The following ILRUN variants were observed in gnomAD, a reference collection of about 807,000 sequenced individuals.
The protein encoded by ILRUN is protein ILRUN.
ILRUN carries 3 observed loss-of-function variants against 33.8 expected under a neutral mutation model. The ratio of observed to expected loss-of-function variants is 0.09; its 90% CI spans 0.04 to 0.23. ILRUN has a LOEUF of 0.23. ILRUN is among the 10% of genes least tolerant of loss of function. ILRUN has a pLI of 1.00. For missense variants in ILRUN, 210 were observed against 375.1 expected (o/e 0.56, Z 3.64); for synonymous variants, 124 against 138.9 (o/e 0.89, Z 0.75).
chr6:34,597,591 G>C (rs1761427715), intron 4 of ILRUN, among the ~76,000 whole-genome samples: 1 of 152,130 alleles, frequency 6.6e-6, no homozygotes, highest in Non-Finnish European at 1.5e-5. Flanking sequence ...TAATTGACAG[G>C]CATCAGCTTG....
intron 3 of ILRUN, chr6:34,616,758 A>G: frequency 1.4e-6 from 1 of 706,280 alleles, no homozygotes; most frequent in Non-Finnish European, 2.6e-6. Context: ...AGCAACTTCT[A>G]TGTACCTGCA....
In ILRUN at chr6:34,587,524, T is replaced by C. The variant is rs1408614886; in HGVS notation, c.*3041A>G. 1.3e-5 allele frequency: 2 copies of C among 152,626 alleles called. No individual in the cohort carries two copies. The highest frequency in any genetic ancestry group is 4.8e-5 in the African/African-American group (2 of 41,420). The allele number at this position is 152,626 out of a possible 1,614,324, so 9.5% of individuals were successfully genotyped here. A position where few individuals can be genotyped will look rare whatever the true frequency, so the allele number is the denominator to read the frequency against. ...GGTGGGGTGAGTAATCAGCTTGCACTTCTGAGCCCTGGCAACCCTACCATC... is the reference window on the plus strand; with the variant it reads ...GGTGGGGTGAGTAATCAGCTTGCACCTCTGAGCCCTGGCAACCCTACCATC... On this transcript the variant is annotated 3_prime_UTR_variant, in exon 5 of 5. Coordinates refer to ENST00000374023, the MANE Select transcript of ILRUN (RefSeq NM_024294.4).
intron 1 of ILRUN, among the ~76,000 whole-genome samples, chr6:34,661,794 T>C (rs1256020021): frequency 1.3e-5 from 2 of 152,082 alleles, no homozygotes; most frequent in East Asian, 3.8e-4. Flanking sequence ...TAATGGCTTC[T>C]AGGGAGAGTT....
rs1004253584 is a variant in ILRUN, at chr6:34,589,727, A to T, written c.*838T>A. The T allele has an allele frequency of 2.6e-5, 4 of 152,230 alleles. No homozygotes were observed. The highest frequency in any genetic ancestry group is 9.6e-5 in the African/African-American group (4 of 41,454). The allele number at this position is 152,230 out of a possible 1,614,324, so 9.4% of individuals were successfully genotyped here. A position where few individuals can be genotyped will look rare whatever the true frequency, so the allele number is the denominator to read the frequency against. The stretch of plus-strand genomic sequence containing the variant: ...CATGATGGCATTTCTCTCTGCCAAG[A>T]GAAACATGGAAGAAAAGCAATTTTA... On this transcript the variant is annotated 3_prime_UTR_variant, in exon 5 of 5. Transcript: ENST00000374023.
At chr6:34,653,075 G>A (rs1762699990) in intron 2 of ILRUN, among the ~76,000 whole-genome samples, 1 of 144,886 alleles carries the variant, frequency 6.9e-6, no homozygotes, top group South Asian at 2.1e-4. Context: ...TTGAGCCCAG[G>A]AGGCCAAGAT....
chr6:34,663,063 G>A (rs1416257825), intron 1 of ILRUN, among the ~76,000 whole-genome samples: 2 of 151,954 alleles, frequency 1.3e-5, no homozygotes, highest in African/African-American at 4.8e-5. Flanking sequence ...CACCCTACAC[G>A]AGCCTGGATG....
intron 1 of ILRUN, among the ~76,000 whole-genome samples, chr6:34,669,770 A>G (rs1423327943): frequency 6.6e-6 from 1 of 152,202 alleles, no homozygotes; most frequent in African/African-American, 2.4e-5. Flanking sequence ...TATCCATACC[A>G]CAACTCAGCA....
chr6:34,686,808 T>A, intron 1 of ILRUN: 1 of 120,574 alleles, frequency 8.3e-6, no homozygotes, highest in Admixed American at 9.3e-5. Context: ...TACAAAAAAT[T>A]AGCTGGGCGC....
intron 3 of ILRUN, among the ~76,000 whole-genome samples, chr6:34,640,077 G>A (rs1762439159): frequency 6.6e-6 from 1 of 152,040 alleles, no homozygotes; most frequent in African/African-American, 2.4e-5. Context: ...AAAATGTTAG[G>A]GCTTGAAAAT....
chr6:34,683,201 T>C (rs73413847), intron 1 of ILRUN, among the ~76,000 whole-genome samples: 3,546 of 151,476 alleles, frequency 0.023, 102 homozygotes, highest in African/African-American at 0.064. Flanking sequence ...TGTATATATA[T>C]GTATATATGA....
At chr6:34,620,975 A>T (rs1762001004) in intron 3 of ILRUN, among the ~76,000 whole-genome samples, 2 of 152,182 alleles carry the variant, frequency 1.3e-5, no homozygotes, top group Non-Finnish European at 2.9e-5. Flanking sequence ...AATCCATAAC[A>T]CTACTTTATA....
In ILRUN at chr6:34,606,683, G is replaced by A. The variant is rs747918125; in HGVS notation, c.733C>T (p.Pro245Ser). 9 of 1,613,508 alleles carry A rather than the reference G, an allele frequency of 5.6e-6. No homozygotes were observed. The Admixed American group carries it at 1.0e-4, about 18-fold the overall frequency. Residue 245 changes from proline (P) to serine (S), a missense_variant, in exon 4 of 5, where the codon CCT becomes TCT. Pro to Ser is a moderately conservative substitution (Grantham distance 74). Around this residue, in one of 4 missense-constraint regions of ILRUN, gnomAD observed 81 missense variants for 97.0 expected, o/e 0.84. Transcript: ENST00000374023. ...GCAGGAGCCCATGTGTCAGGAGCAG[G>A]AGCCCATGTGTTTTTGCTGATCGAG... ...FDSISKNTWA[P>S]APDTWAPAPD...
chr6:34,637,861 C>CTGTTGT (rs1333075451), intron 3 of ILRUN, among the ~76,000 whole-genome samples: 46 of 102,064 alleles, frequency 4.5e-4, no homozygotes, highest in South Asian at 1.3e-3. Context: ...GCTGCTGCTG[C>CTGTTGT]TGCTGTTGTT....
chr6:34,637,843 T>TTGCTGC (rs1203721482), intron 3 of ILRUN, among the ~76,000 whole-genome samples: 65 of 141,350 alleles, frequency 4.6e-4, no homozygotes, highest in South Asian at 2.1e-3. Flanking sequence ...GCTGTTGTTG[T>TTGCTGC]TGCTGCTGCT....
At chr6:34,666,890 A>G (rs1246434673) in intron 1 of ILRUN, among the ~76,000 whole-genome samples, 1 of 152,232 alleles carries the variant, frequency 6.6e-6, no homozygotes, top group East Asian at 1.9e-4. Context: ...AGCAGGTTTG[A>G]GACAGCTCAT....
At chr6:34,620,894 G>A (rs6927376) in intron 3 of ILRUN, among the ~76,000 whole-genome samples, 3,460 of 152,172 alleles carry the variant, frequency 0.023, 92 homozygotes, top group African/African-American at 0.062. Context: ...TGATAAGACC[G>A]GACACTAACT....
chr6:34,678,034 A>G (rs1217913029), intron 1 of ILRUN, among the ~76,000 whole-genome samples: 5 of 150,640 alleles, frequency 3.3e-5, no homozygotes, highest in Non-Finnish European at 7.4e-5. Flanking sequence ...AATATTACCT[A>G]ATTTCACATT....
At chr6:34,693,301 T>C (rs1763684027) in intron 1 of ILRUN, among the ~76,000 whole-genome samples, 1 of 152,218 alleles carries the variant, frequency 6.6e-6, no homozygotes, top group South Asian at 2.1e-4. Flanking sequence ...ATCACTTAAC[T>C]GCATGGATTT....
chr6:34,661,559 CA>C (rs927048204), intron 1 of ILRUN, among the ~76,000 whole-genome samples: 2 of 152,072 alleles, frequency 1.3e-5, no homozygotes, highest in African/African-American at 4.8e-5. Context: ...CTCTCTTCAA[CA>C]GAGATAAAAG....
Sources: allele counts gnomAD v4.1 joint callset (sites outside exome capture counted in the v4.1 genomes callset), GRCh38; gene constraint gnomAD v4.1.1; regional missense constraint gnomAD v4.1.1; transcripts MANE v1.5; gene names NCBI Gene and HGNC (gene_info 2026-07-23, HGNC 2026-07-21).